Variants in ZPBP observed in about 807,000 individuals in gnomAD.
ZPBP encodes the protein zona pellucida binding protein.
A neutral mutation model predicts 44.8 loss-of-function variants in ZPBP; 26 were observed. The observed-to-expected ratio is 0.58, with a 90% CI of 0.43 to 0.81. The LOEUF (loss-of-function observed/expected upper bound fraction) is 0.81, where lower values mean the gene tolerates loss of function less well. Ranked by LOEUF, ZPBP falls within the 30% of genes least tolerant of loss-of-function variation. ZPBP has a pLI of 0.00. For missense variants in ZPBP, 409 were observed against 434.0 expected (o/e 0.94, Z 0.51); for synonymous variants, 174 against 153.2 (o/e 1.14, Z -1.00).
intron 1 of ZPBP, among the ~76,000 whole-genome samples, chr7:49,923,621 C>CTTCTTT (rs1794117733): frequency 5.9e-5 from 9 of 151,934 alleles, no homozygotes; most frequent in Admixed American, 5.9e-4. Flanking sequence ...ACTTCTTCTT[C>CTTCTTT]TTCTTCTAAT....
At chr7:49,883,293 T>A (rs935945150) in intron 2 of ZPBP, among the ~76,000 whole-genome samples, 2 of 152,028 alleles carry the variant, frequency 1.3e-5, no homozygotes, top group African/African-American at 2.4e-5. Flanking sequence ...GGCACTGCCA[T>A]GGAGAACAAA....
chr7:50,041,321 C>T (rs949640297), intron 4 of ZPBP, among the ~76,000 whole-genome samples: 1 of 152,170 alleles, frequency 6.6e-6, no homozygotes, highest in African/African-American at 2.4e-5. Context: ...AGGAACAGAC[C>T]ACCTCCTCAA....
At chr7:49,965,361 A>C (rs1435201073) in intron 7 of ZPBP, among the ~76,000 whole-genome samples, 26 of 152,104 alleles carry the variant, frequency 1.7e-4, no homozygotes, top group Admixed American at 1.7e-3. Flanking sequence ...CAACCATTTC[A>C]ATATAATATA....
chr7:50,074,060 A>G (rs957651161), intron 3 of ZPBP, among the ~76,000 whole-genome samples: 1 of 152,164 alleles, frequency 6.6e-6, no homozygotes, highest in African/African-American at 2.4e-5. Context: ...AATCAAAAAT[A>G]GTAACTACAG....
chr7:50,028,289 A>C (rs1456752521), intron 5 of ZPBP, among the ~76,000 whole-genome samples: 4 of 152,166 alleles, frequency 2.6e-5, no homozygotes, highest in African/African-American at 9.6e-5. Flanking sequence ...AAAATTAAAA[A>C]AAAAACACAT....
intron 3 of ZPBP, among the ~76,000 whole-genome samples, chr7:50,069,789 C>T (rs548711231): frequency 1.3e-5 from 2 of 152,184 alleles, no homozygotes; most frequent in Admixed American, 6.5e-5. Flanking sequence ...ACAGGAGTTT[C>T]AGACACTGCT....
chr7:49,960,549 T>C (rs1238199582), intron 7 of ZPBP, among the ~76,000 whole-genome samples: 1 of 152,088 alleles, frequency 6.6e-6, no homozygotes, highest in Non-Finnish European at 1.5e-5. Flanking sequence ...AACTTTTTAA[T>C]TTAAAAACAA....
intron 6 of ZPBP, among the ~76,000 whole-genome samples, chr7:49,984,303 T>C (rs1379400809): frequency 6.6e-6 from 1 of 152,204 alleles, no homozygotes; most frequent in African/African-American, 2.4e-5. Context: ...ACAATTTCTA[T>C]AATGTCCAGG....
rs116934263 is a variant in ZPBP at position 49,947,543 on chromosome 7, T to C, written c.962-9921A>G. 8.4e-3 allele frequency among the ~76,000 whole-genome samples: 1,275 copies of C among 152,280 alleles called. 12 individuals are homozygous for C. The highest frequency in any genetic ancestry group is 9.7e-3 in the Non-Finnish European group (663 of 68,016). ...GGCAGAGACTCTTGTTCTCTTCTCT[T>C]ATTTTCCTGCAAACAAACAGAGTCT... is the stretch of plus-strand genomic sequence containing the variant. On this transcript the variant is annotated intron_variant, in intron 7 of 7. Coordinates refer to ENST00000046087, the MANE Select transcript of ZPBP (RefSeq NM_007009.3).
intron 1 of ZPBP, chr7:49,914,131 G>A (rs1379749588): frequency 1.3e-5 from 2 of 152,148 alleles, no homozygotes; most frequent in African/African-American, 2.4e-5. Flanking sequence ...TAAAGTTGTC[G>A]TTTTGCTAAT....
chr7:49,896,910 A>G (rs1792412878), intron 2 of ZPBP, among the ~76,000 whole-genome samples: 1 of 113,526 alleles, frequency 8.8e-6, no homozygotes, highest in African/African-American at 3.4e-5. Context: ...TTTTTTTGAG[A>G]CGGAGTCTCG....
At chr7:49,962,743 A>C (rs1795907617) in intron 7 of ZPBP, among the ~76,000 whole-genome samples, 1 of 151,930 alleles carries the variant, frequency 6.6e-6, no homozygotes, top group African/African-American at 2.4e-5. Context: ...AAAAATCAAA[A>C]ATAAACTATT....
chr7:49,982,818 A>T (rs1457202116), intron 7 of ZPBP, among the ~76,000 whole-genome samples: 1 of 151,980 alleles, frequency 6.6e-6, no homozygotes, highest in Non-Finnish European at 1.5e-5. Context: ...AATCTAAGTC[A>T]ACAGCCTCTA....
intron 3 of ZPBP, among the ~76,000 whole-genome samples, chr7:50,081,045 T>A (rs575193884): frequency 2.0e-5 from 3 of 151,808 alleles, no homozygotes; most frequent in Non-Finnish European, 4.4e-5. Flanking sequence ...CTGAGATCTC[T>A]TAGCTATATA....
chr7:50,085,949 A>G (rs1431166673), intron 2 of ZPBP, among the ~76,000 whole-genome samples: 2 of 152,138 alleles, frequency 1.3e-5, no homozygotes, highest in East Asian at 3.9e-4. Flanking sequence ...TTTGGCTGAA[A>G]TTGAGGTTCT....
downstream of ZPBP, among the ~76,000 whole-genome samples, chr7:49,937,006 T>TA (rs1794642140): frequency 1.3e-5 from 2 of 152,248 alleles, no homozygotes; most frequent in Admixed American, 6.5e-5. Flanking sequence ...TGAACTATAT[T>TA]AAAAAATCCA....
In ZPBP at chr7:50,093,237, G is replaced by C. The variant is rs958796255; in HGVS notation, c.-43C>G. On this transcript the variant is annotated 5_prime_UTR_variant, in exon 1 of 8. Transcript: ENST00000046087. ...CTGCCCACCGTCCGCGCGGAAGGTC[G>C]TTAGGCAACGCGCGCCCACCTGCAG... 1.3e-6 allele frequency: 2 copies of C among 1,482,048 alleles called. No individual in the cohort carries two copies. Among genetic ancestry groups the C allele is most frequent in the African/African-American group, 2.9e-5 (2 of 68,396 alleles). 91.8% of individuals were successfully genotyped at this position (1,482,048 alleles called of 1,614,324 possible).
intron 2 of ZPBP, among the ~76,000 whole-genome samples, chr7:50,087,740 C>T (rs1300990012): frequency 6.6e-6 from 1 of 151,686 alleles, no homozygotes; most frequent in Non-Finnish European, 1.5e-5. Context: ...CACTTGCATA[C>T]TGAAAACTAT....
intron 7 of ZPBP, among the ~76,000 whole-genome samples, chr7:49,942,004 A>G (rs994342335): frequency 1.3e-5 from 2 of 152,122 alleles, no homozygotes; most frequent in Non-Finnish European, 2.9e-5. Flanking sequence ...AGATCATTCA[A>G]TGGGGAAAGA....
Sources: allele counts gnomAD v4.1 joint callset (sites outside exome capture counted in the v4.1 genomes callset), GRCh38; gene constraint gnomAD v4.1.1; transcripts MANE v1.5; gene names NCBI Gene and HGNC (gene_info 2026-07-23, HGNC 2026-07-21).